The following OPRM1 variants were observed in gnomAD, a reference collection of about 807,000 sequenced individuals.
The protein encoded by OPRM1 is opioid receptor mu 1.
Under a neutral mutation model 31.8 loss-of-function variants are expected in OPRM1, and 27 were observed. That is an observed-to-expected ratio of 0.85 (90% confidence interval 0.63 to 1.17). OPRM1 has a LOEUF of 1.17. Ranked by LOEUF, OPRM1 falls within the 50% of genes most tolerant of loss-of-function variation. The pLI, the probability that OPRM1 is intolerant of heterozygous loss-of-function variation, is 0.00. For missense variants in OPRM1, 536 were observed against 511.1 expected, an observed-to-expected ratio of 1.05 and a Z score of -0.47; for synonymous variants, 196 against 189.9, an observed-to-expected ratio of 1.03 and a Z score of -0.26.
intron 3 of OPRM1, among the ~76,000 whole-genome samples, chr6:154,193,873 A>G (rs1308688164): frequency 6.6e-6 from 1 of 152,238 alleles, no homozygotes; most frequent in African/African-American, 2.4e-5. Flanking sequence ...TACTCTATAC[A>G]GACAAAAAGT....
At chr6:154,116,726 T>G (rs1026218980) in intron 3 of OPRM1, among the ~76,000 whole-genome samples, 1 of 152,174 alleles carries the variant, frequency 6.6e-6, no homozygotes, top group Non-Finnish European at 1.5e-5. Flanking sequence ...GCACAGTGTT[T>G]TAAAGTATAA....
upstream of OPRM1, among the ~76,000 whole-genome samples, chr6:154,037,915 A>G (rs1261271492): frequency 6.6e-6 from 1 of 152,186 alleles, no homozygotes; most frequent in Non-Finnish European, 1.5e-5. Flanking sequence ...AAGGAACTGA[A>G]TGCAGGCAGA....
At position 154,168,572 on chromosome 6, in the gene OPRM1, C is replaced by A. The variant is rs1428071248; in HGVS notation, c.1164+77100C>A. On this transcript the variant is annotated intron_variant, in intron 3 of 3. Coordinates refer to the OPRM1 transcript ENST00000337049. This position sits in a 1 kb window ranked among gnomAD's most constrained non-coding sequence, Gnocchi z 4.1. ...TCTGAGGTATTAGGGGTTAGGACGT[C>A]AACATACGAATTTTATTAATTAATT... Among the ~76,000 whole-genome samples the A allele has an allele frequency of 6.6e-6, 1 of 151,980 alleles. No individual in the cohort carries two copies. Among genetic ancestry groups the A allele is most frequent in the Non-Finnish European group, 1.5e-5 (1 of 68,012 alleles).
Position 154,122,922 on chromosome 6 carries a change from G to A in OPRM1, c.*4201G>A, listed in dbSNP as rs115962359. Among the ~76,000 whole-genome samples, 899 of 152,280 alleles carry A rather than the reference G, an allele frequency of 5.9e-3. 5 individuals are homozygous for A. The highest frequency in any genetic ancestry group is 0.021 in the African/African-American group (855 of 41,546). On this transcript the variant is annotated 3_prime_UTR_variant, in exon 4 of 4. Transcript: ENST00000330432. The stretch of plus-strand genomic sequence containing the variant: ...AGTAAAGTGAAAGTGAAATGGGTCA[G>A]GATCAATGGTCTCATTGTCTAAGGT...
Position 154,091,362 on chromosome 6 carries a change from T to C in OPRM1, c.1054T>C (p.Phe352Leu). ...AAACTTCAAACGATGCTTCAGAGAG[T>C]TCTGTATCCCAACCTCTTCCAACAT... ...DENFKRCFRE[F>L]CIPTSSNIEQ... Residue 352 changes from phenylalanine to leucine, a missense_variant, in exon 3 of 4, where the codon TTC becomes CTC. Phe to Leu is a conservative substitution (Grantham distance 22). Transcript: ENST00000330432. 6.2e-7 allele frequency: 1 copy of C among 1,614,100 alleles called. No homozygotes were observed.
At chr6:154,239,954 A>G (rs1780446666) in intron 3 of OPRM1, among the ~76,000 whole-genome samples, 1 of 152,216 alleles carries the variant, frequency 6.6e-6, no homozygotes, top group Non-Finnish European at 1.5e-5. Context: ...TGCCCACCTC[A>G]GCCACCCAAA....
At chr6:154,246,206 G>A (rs577950082) in intron 3 of OPRM1, among the ~76,000 whole-genome samples, 7 of 152,292 alleles carry the variant, frequency 4.6e-5, no homozygotes, top group Admixed American at 1.3e-4. Context: ...TCGTGAAGCC[G>A]AGTCTCCTTT....
chr6:154,224,610 C>A (rs1779113479), intron 3 of OPRM1, among the ~76,000 whole-genome samples: 1 of 151,996 alleles, frequency 6.6e-6, no homozygotes, highest in African/African-American at 2.4e-5. Context: ...ACTTGGGAAG[C>A]TGAGGCAGGA....
intron 3 of OPRM1, among the ~76,000 whole-genome samples, chr6:154,214,980 C>T (rs1249072141): frequency 6.6e-6 from 1 of 152,184 alleles, no homozygotes; most frequent in South Asian, 2.1e-4. Flanking sequence ...TCTTGAAACA[C>T]AAATTTTTAA....
At chr6:154,195,887 G>A (rs1776581164) in intron 3 of OPRM1, among the ~76,000 whole-genome samples, 1 of 151,310 alleles carries the variant, frequency 6.6e-6, no homozygotes, top group Admixed American at 6.6e-5. Context: ...TGCCTCGCAG[G>A]TTCAAGCAAT....
chr6:154,214,840 A>G (rs1486551389), intron 3 of OPRM1, among the ~76,000 whole-genome samples: 1 of 152,232 alleles, frequency 6.6e-6, no homozygotes, highest in Non-Finnish European at 1.5e-5. Flanking sequence ...AAAATGTCCT[A>G]TTTACCATTT....
intron 1 of OPRM1, among the ~76,000 whole-genome samples, chr6:154,013,385 T>G (rs1380015889): frequency 1.3e-5 from 2 of 152,190 alleles, no homozygotes; most frequent in Non-Finnish European, 2.9e-5. Flanking sequence ...ATAAGCAATG[T>G]CATTCAAGTG....
chr6:154,215,909 A>G (rs1778357528), intron 3 of OPRM1, among the ~76,000 whole-genome samples: 1 of 152,238 alleles, frequency 6.6e-6, no homozygotes, highest in Admixed American at 6.5e-5. Context: ...AGAAATGCAC[A>G]CTCAAACACA....
At chr6:154,141,300 C>T (rs775333648) in intron 3 of OPRM1, among the ~76,000 whole-genome samples, 3 of 152,182 alleles carry the variant, frequency 2.0e-5, no homozygotes, top group Non-Finnish European at 2.9e-5. Context: ...AATATTCTAA[C>T]GGTTAGCTTA....
chr6:154,180,400 ATATATATATATATATTTT>A (rs1329614069), intron 3 of OPRM1, among the ~76,000 whole-genome samples: 18 of 81,824 alleles, frequency 2.2e-4, no homozygotes, highest in East Asian at 2.0e-3. Context: ...ATATATATAT[ATATATATATATATATTTT>A]TTTTTTAAAC....
intron 3 of OPRM1, among the ~76,000 whole-genome samples, chr6:154,180,403 TATA>T (rs1182148692): frequency 5.1e-4 from 22 of 42,804 alleles, no homozygotes; most frequent in African/African-American, 1.4e-3. Flanking sequence ...TATATATATA[TATA>T]TATATATATT....
chr6:154,039,209 C>A, upstream of OPRM1: 1 of 1,551,710 alleles, frequency 6.4e-7, no homozygotes, highest in East Asian at 2.4e-5. Context: ...CTCCTTGGAT[C>A]GCTTTGCGCA....
intron 3 of OPRM1, chr6:154,156,686 C>T (rs1025191874): frequency 9.2e-5 from 14 of 152,182 alleles, no homozygotes; most frequent in African/African-American, 2.9e-4. Context: ...CTTTAGGAGT[C>T]TTTCTAGGCC....
At chr6:154,179,463 C>A (rs1441679251) in intron 3 of OPRM1, among the ~76,000 whole-genome samples, 3 of 152,198 alleles carry the variant, frequency 2.0e-5, no homozygotes, top group African/African-American at 7.2e-5. Flanking sequence ...GCTTGTCTCT[C>A]TCCCATTGGA....
Sources: allele counts gnomAD v4.1 joint callset (sites outside exome capture counted in the v4.1 genomes callset), GRCh38; gene constraint gnomAD v4.1.1; non-coding constraint Gnocchi (gnomAD v3.1); transcripts MANE v1.5; gene names NCBI Gene and HGNC (gene_info 2026-07-23, HGNC 2026-07-21).